RAD51AP1: variants seen among roughly 807,000 people sequenced by gnomAD.
RAD51AP1 encodes the protein RAD51-associated protein 1.
RAD51AP1 carries 14 observed loss-of-function variants against 34.3 expected under a neutral mutation model. That is an observed-to-expected ratio of 0.41 (90% CI 0.27 to 0.64). The LOEUF (loss-of-function observed/expected upper bound fraction) is 0.64, where lower values mean the gene tolerates loss of function less well. Ranked by LOEUF, RAD51AP1 falls within the 30% of genes least tolerant of loss-of-function variation. RAD51AP1 has a pLI of 0.33. For synonymous variants in RAD51AP1, 114 were observed against 129.8 expected (o/e 0.88, Z 0.83); for missense variants, 348 against 386.9 (o/e 0.90, Z 0.84).
At chr12:4,549,679 A>G (rs1440035748) in intron 6 of RAD51AP1, among the ~76,000 whole-genome samples, 1 of 152,198 alleles carries the variant, frequency 6.6e-6, no homozygotes, top group African/African-American at 2.4e-5. Context: ...CGCCAATGTG[A>G]TGCTTAAAGG....
rs1164755118 is a variant in RAD51AP1 at position 4,540,400 on chromosome 12, T to G, written c.17+1444T>G. Reference sequence around the variant, plus strand: ...GTCTATGAGGTCAAAACTCCTTTCATAACAATACTAAGATATGATTTGCCT... The same window carrying G: ...GTCTATGAGGTCAAAACTCCTTTCAGAACAATACTAAGATATGATTTGCCT... On this transcript the variant is annotated intron_variant, in intron 1 of 8. Coordinates refer to ENST00000352618, the MANE Select transcript of RAD51AP1 (RefSeq NM_006479.5). Among the ~76,000 whole-genome samples the G allele has an allele frequency of 2.6e-5, 4 of 152,178 alleles. No homozygotes were observed. In the East Asian group the frequency reaches 7.7e-4, roughly 29 times the overall value.
intron 3 of RAD51AP1, chr12:4,545,416 G>A: frequency 3.2e-6 from 1 of 309,562 alleles, no homozygotes; most frequent in Admixed American, 4.2e-5. Flanking sequence ...GGGGTAAACA[G>A]GAAGTGAATG....
chr12:4,548,537 C>A, intron 5 of RAD51AP1, 150 bp from the exon 6 acceptor site: 1 of 912,528 alleles, frequency 1.1e-6, no homozygotes, highest in Non-Finnish European at 1.6e-6. Context: ...CATGGTTGAC[C>A]CAGATTGGGC....
intron 6 of RAD51AP1, among the ~76,000 whole-genome samples, chr12:4,551,859 CAA>C (rs1036640953): frequency 6.6e-6 from 1 of 151,962 alleles, no homozygotes; most frequent in African/African-American, 2.4e-5. Flanking sequence ...ATAGATGAAA[CAA>C]ATGGAGCAAA....
At chr12:4,543,193 G>T (rs1944481505) in intron 2 of RAD51AP1, among the ~76,000 whole-genome samples, 1 of 152,082 alleles carries the variant, frequency 6.6e-6, no homozygotes, top group South Asian at 2.1e-4. Flanking sequence ...CTGAGTAGCT[G>T]GGATTATAGG....
chr12:4,542,963 A>G (rs191536102), intron 2 of RAD51AP1, among the ~76,000 whole-genome samples: 47 of 152,318 alleles, frequency 3.1e-4, no homozygotes, highest in Admixed American at 2.9e-3. Flanking sequence ...AGAAAATACT[A>G]CTATTGTAAA....
intron 7 of RAD51AP1, among the ~76,000 whole-genome samples, chr12:4,555,702 A>G (rs974184283): frequency 2.0e-5 from 3 of 152,114 alleles, no homozygotes; most frequent in Non-Finnish European, 2.9e-5. Flanking sequence ...GCTTCTCTCA[A>G]TTCACCTTTA....
At chr12:4,543,688 G>C in intron 2 of RAD51AP1, 75 bp from the exon 3 acceptor site, 1 of 1,082,746 alleles carries the variant, frequency 9.2e-7, no homozygotes, top group Non-Finnish European at 1.3e-6. Context: ...ATAAAAACTT[G>C]AACACACATG....
chr12:4,558,061 C>G (rs1471641413), intron 8 of RAD51AP1, among the ~76,000 whole-genome samples: 1 of 151,230 alleles, frequency 6.6e-6, no homozygotes, highest in Non-Finnish European at 1.5e-5. Flanking sequence ...CAGTTTGTTA[C>G]CTATCTTATA....
rs1471390717 is a variant in RAD51AP1 at position 4,538,984 on chromosome 12, G to A, written c.17+28G>A. ...GGGTAGTTCCTGACATTCGTCGGGG[G>A]TGGGAGGAAAACTAAGGGAAAAGAC... On this transcript the variant is annotated intron_variant, in intron 1 of 8. Coordinates refer to ENST00000352618, the MANE Select transcript of RAD51AP1 (RefSeq NM_006479.5). 2.5e-6 allele frequency: 4 copies of A among 1,611,890 alleles called. No individual in the cohort carries two copies. The South Asian group carries it at 4.4e-5, about 18-fold the overall frequency.
chr12:4,556,585 G>A, intron 8 of RAD51AP1, 83 bp downstream of exon 8: 9 of 1,471,734 alleles, frequency 6.1e-6, no homozygotes, highest in Non-Finnish European at 8.4e-6. Flanking sequence ...CATCATGTGT[G>A]AGCATTTCCC....
intron 3 of RAD51AP1, chr12:4,545,840 C>T: frequency 6.2e-7 from 1 of 1,605,316 alleles, no homozygotes; most frequent in Non-Finnish European, 8.5e-7. Flanking sequence ...AAAGTAAGTG[C>T]TTGGTAAAAT....
intron 8 of RAD51AP1, among the ~76,000 whole-genome samples, chr12:4,556,817 G>A (rs1944586259): frequency 6.6e-6 from 1 of 152,200 alleles, no homozygotes; most frequent in Non-Finnish European, 1.5e-5. Flanking sequence ...GTTAAAGGGT[G>A]TAAACATTTG....
intron 4 of RAD51AP1, 34 bp from the exon 5 acceptor site, chr12:4,548,058 T>C (rs1367570198): frequency 6.4e-7 from 1 of 1,560,930 alleles, no homozygotes; most frequent in East Asian, 2.3e-5. Flanking sequence ...GATTAAGATA[T>C]ATCTGAATTT....
At chr12:4,553,205 G>A (rs1177596008) in intron 7 of RAD51AP1, 58 bp downstream of exon 7, 9 of 1,352,442 alleles carry the variant, frequency 6.7e-6, no homozygotes, top group Admixed American at 5.4e-5. Flanking sequence ...TTTGTTTGCC[G>A]TATTTTTCTT....
intron 3 of RAD51AP1, among the ~76,000 whole-genome samples, chr12:4,544,543 G>A (rs566408318): frequency 8.5e-5 from 13 of 152,286 alleles, no homozygotes; most frequent in African/African-American, 2.9e-4. Context: ...TGAAAAGTGA[G>A]TTAGCCTGGA....
chr12:4,559,762 T>C lies in RAD51AP1; in HGVS notation c.*769T>C, dbSNP rs2137303549. 1 of 152,342 alleles carries C rather than the reference T, an allele frequency of 6.6e-6. No individual in the cohort carries two copies. The highest frequency in any genetic ancestry group is 1.5e-5 in the Non-Finnish European group (1 of 68,018). The allele number at this position is 152,342 out of a possible 1,614,324, so 9.4% of individuals were successfully genotyped here. ...AGTAGTCACTTTTTGTTAAGTTCTT[T>C]AGAAAGTAGTTGTCAAGTACTTAGT... On this transcript the variant is annotated 3_prime_UTR_variant, in exon 9 of 9. Transcript: ENST00000352618.
chr12:4,542,112 T>A (rs557215757), intron 2 of RAD51AP1, among the ~76,000 whole-genome samples, 179 bp downstream of exon 2: 2 of 152,314 alleles, frequency 1.3e-5, no homozygotes, highest in South Asian at 4.1e-4. Flanking sequence ...ATAAAAATTA[T>A]GTTAGTAGGT....
intron 7 of RAD51AP1, among the ~76,000 whole-genome samples, chr12:4,553,750 A>T (rs1944563503): frequency 6.6e-6 from 1 of 152,132 alleles, no homozygotes; most frequent in Non-Finnish European, 1.5e-5. Flanking sequence ...TGTGTAAAAG[A>T]AGTTAGGATA....
Sources: allele counts gnomAD v4.1 joint callset (sites outside exome capture counted in the v4.1 genomes callset), GRCh38; gene constraint gnomAD v4.1.1; transcripts MANE v1.5; gene names NCBI Gene and HGNC (gene_info 2026-07-23, HGNC 2026-07-21).